Variants in MTDH observed in about 807,000 individuals in gnomAD.
MTDH encodes metadherin, also known as protein LYRIC.
A neutral mutation model predicts 72.7 loss-of-function variants in MTDH; 34 were observed. The ratio of observed to expected loss-of-function variants is 0.47; its 90% CI spans 0.36 to 0.62. MTDH has a LOEUF of 0.62. Ranked by LOEUF, MTDH falls within the 20% of genes least tolerant of loss-of-function variation. MTDH has a pLI of 0.00. For synonymous variants in MTDH, 266 were observed against 268.9 expected (o/e 0.99, Z 0.10); for missense variants, 677 against 699.4 (o/e 0.97, Z 0.36).
At chr8:97,647,331 G>A (rs1348970588) in intron 1 of MTDH, among the ~76,000 whole-genome samples, 1 of 152,216 alleles carries the variant, frequency 6.6e-6, no homozygotes, top group African/African-American at 2.4e-5. Context: ...AGCTGACTTT[G>A]AAAGTGGGTA....
At chr8:97,696,978 G>A (rs931290788) in intron 6 of MTDH, among the ~76,000 whole-genome samples, 4 of 150,604 alleles carry the variant, frequency 2.7e-5, no homozygotes, top group Non-Finnish European at 4.4e-5. Context: ...AGGCATGGTG[G>A]TATTTGCCTG....
chr8:97,644,993 T>G, intron 1 of MTDH, 106 bp downstream of exon 1: 1 of 1,327,070 alleles, frequency 7.5e-7, no homozygotes, highest in Non-Finnish European at 9.9e-7. Flanking sequence ...GAGTGCTTAG[T>G]CGAAAGCCGA....
At chr8:97,704,013 A>T (rs774173507) in intron 7 of MTDH, among the ~76,000 whole-genome samples, 10 of 152,212 alleles carry the variant, frequency 6.6e-5, no homozygotes, top group Non-Finnish European at 1.5e-4. Context: ...GCTACTATGT[A>T]ATACTGACTC....
At chr8:97,697,143 TA>T (rs1813879811) in intron 6 of MTDH, among the ~76,000 whole-genome samples, 4 of 74,054 alleles carry the variant, frequency 5.4e-5, no homozygotes, top group African/African-American at 3.7e-4. Context: ...TATATATATA[TA>T]TATATATTTT....
intron 6 of MTDH, among the ~76,000 whole-genome samples, chr8:97,693,643 A>G (rs531150872): frequency 6.6e-4 from 100 of 151,952 alleles, no homozygotes; most frequent in African/African-American, 1.7e-3. Context: ...GGTCATTTCT[A>G]TTTCTTTTAT....
intron 1 of MTDH, among the ~76,000 whole-genome samples, chr8:97,647,638 G>A (rs1811616684): frequency 6.6e-6 from 1 of 152,156 alleles, no homozygotes; most frequent in Non-Finnish European, 1.5e-5. Flanking sequence ...GCAGGAATGG[G>A]AAACTCTAAA....
In MTDH at chr8:97,644,716, C is replaced by A. The variant is rs1811493430; in HGVS notation, c.210C>A (p.Gly70=). The A allele has an allele frequency of 6.3e-7, 1 of 1,591,280 alleles. No individual in the cohort carries two copies. Among genetic ancestry groups the A allele is most frequent in the East Asian group, 2.4e-5 (1 of 42,006 alleles). ...TGCTGCTGTTTCTGCTGGGCTACGG[C>A]TGGGCCGCGGCTTGCGCCGGCGCCC... ...GLLLLFLLGY[G]WAAACAGARK... is the part of the protein sequence containing the mutation. The change falls in exon 1 of 12, where the codon GGC becomes GGA. Residue 70 remains glycine, a synonymous_variant. Transcript: ENST00000336273.
chr8:97,709,824 A>T (rs1814547288), intron 8 of MTDH, among the ~76,000 whole-genome samples: 1 of 152,194 alleles, frequency 6.6e-6, no homozygotes, highest in Non-Finnish European at 1.5e-5. Context: ...TTTATCAGTA[A>T]TGTCCTTTTT....
At chr8:97,645,596 A>G (rs1440609218) in intron 1 of MTDH, among the ~76,000 whole-genome samples, 3 of 152,174 alleles carry the variant, frequency 2.0e-5, no homozygotes, top group African/African-American at 7.2e-5. Context: ...GTGGCGTGGT[A>G]GATTTGTGAA....
intron 1 of MTDH, among the ~76,000 whole-genome samples, chr8:97,653,996 T>C (rs1413314176): frequency 6.6e-6 from 1 of 152,232 alleles, no homozygotes; most frequent in Non-Finnish European, 1.5e-5. Flanking sequence ...AAATCATCTT[T>C]GGCATATCTT....
chr8:97,674,016 C>T (rs1812742526), intron 2 of MTDH, among the ~76,000 whole-genome samples: 1 of 152,012 alleles, frequency 6.6e-6, no homozygotes, highest in African/African-American at 2.4e-5. Context: ...ATTAGCCAGG[C>T]ATGGTGGCAT....
chr8:97,700,500 A>G (rs776910991), intron 7 of MTDH, among the ~76,000 whole-genome samples: 4 of 152,090 alleles, frequency 2.6e-5, no homozygotes, highest in Non-Finnish European at 5.9e-5. Context: ...TCCTTCTCCA[A>G]GTAGAGTTAA....
chr8:97,708,998 C>T lies in MTDH; in HGVS notation c.1272+2248C>T, dbSNP rs191925425. The stretch of plus-strand genomic sequence containing the variant: ...ACAAGGTCAGGAGTTCAAGACCAGC[C>T]GGGCCAAGATGGTGAAACCCCGTCT... On this transcript the variant is annotated intron_variant, in intron 8 of 11. Coordinates refer to ENST00000336273, the MANE Select transcript of MTDH (RefSeq NM_178812.4). 4.6e-5 allele frequency among the ~76,000 whole-genome samples: 7 copies of T among 151,846 alleles called. No individual in the cohort carries two copies. The South Asian group carries it at 8.3e-4, about 18-fold the overall frequency.
At chr8:97,658,871 T>A (rs1177049359) in intron 1 of MTDH, among the ~76,000 whole-genome samples, 2 of 152,010 alleles carry the variant, frequency 1.3e-5, no homozygotes, top group African/African-American at 4.8e-5. Context: ...AGGCCGGGTG[T>A]GGTGGCTCAC....
intron 2 of MTDH, among the ~76,000 whole-genome samples, chr8:97,682,266 A>ATATATATG (rs1554577973): frequency 3.5e-4 from 2 of 5,686 alleles, no homozygotes; most frequent in African/African-American, 1.7e-3. Context: ...ATATATATAT[A>ATATATATG]TATATATATA....
intron 1 of MTDH, among the ~76,000 whole-genome samples, chr8:97,652,713 C>T (rs1451486374): frequency 6.6e-6 from 1 of 151,892 alleles, no homozygotes; most frequent in Non-Finnish European, 1.5e-5. Flanking sequence ...TAATATATTC[C>T]CAGTAGAATT....
At chr8:97,664,918 G>A (rs1812319386) in intron 2 of MTDH, among the ~76,000 whole-genome samples, 1 of 152,058 alleles carries the variant, frequency 6.6e-6, no homozygotes, top group Middle Eastern at 3.4e-3. Flanking sequence ...GCACCACCAC[G>A]CCCAGCTATT....
At position 97,648,361 on chromosome 8, in the gene MTDH, G is replaced by C. The variant is rs569467280; in HGVS notation, c.381+3474G>C. On this transcript the variant is annotated intron_variant, in intron 1 of 11. Transcript: ENST00000336273. ...AAGTCTGTATTAAATGGGCACTCAA[G>C]TATTTTTTCACTTGATTTTTAATCT... Among the ~76,000 whole-genome samples, 30 of 151,902 alleles carry C rather than the reference G, an allele frequency of 2.0e-4. 1 individual carries two copies. Among genetic ancestry groups the C allele is most frequent in the Admixed American group, 1.0e-3 (16 of 15,254 alleles).
At chr8:97,705,163 G>A (rs1814297343) in intron 7 of MTDH, among the ~76,000 whole-genome samples, 1 of 152,026 alleles carries the variant, frequency 6.6e-6, no homozygotes, top group Non-Finnish European at 1.5e-5. Context: ...CGGGTGTGGT[G>A]GTGCACGCCT....
Sources: allele counts gnomAD v4.1 joint callset (sites outside exome capture counted in the v4.1 genomes callset), GRCh38; gene constraint gnomAD v4.1.1; transcripts MANE v1.5; gene names NCBI Gene and HGNC (gene_info 2026-07-23, HGNC 2026-07-21).